Variants in SPHKAP observed in about 807,000 individuals in gnomAD.
SPHKAP encodes the protein SPHK1 interactor, AKAP domain containing.
Under a neutral mutation model 137.5 loss-of-function variants are expected in SPHKAP, and 67 were observed. The ratio of observed to expected loss-of-function variants is 0.49; its 90% CI spans 0.40 to 0.60. The LOEUF (loss-of-function observed/expected upper bound fraction) is 0.60. Among genes scored for constraint, SPHKAP ranks in the 20% least tolerant of loss-of-function variants. The pLI, the probability that SPHKAP is intolerant of heterozygous loss-of-function variation, is 0.00. For synonymous variants in SPHKAP, 813 were observed against 785.3 expected (o/e 1.04, Z -0.59); for missense variants, 2,097 against 2,069.3 (o/e 1.01, Z -0.26).
rs757281339 is a variant in SPHKAP at position 228,178,935 on chromosome 2, T to TA, written c.32+2631dup. Among the ~76,000 whole-genome samples the TA allele has an allele frequency of 3.8e-3, 549 of 143,992 alleles. 4 individuals are homozygous for TA. The highest frequency in any genetic ancestry group is 0.024 in the East Asian group (122 of 5,058). 94.5% of individuals were successfully genotyped at this position (143,992 alleles called of 152,430 possible). A position where few individuals can be genotyped will look rare whatever the true frequency, so the allele number is the denominator to read the frequency against. ...ACTCAAAGAACCCAAAACATTTCCTTAAAAAAAAAAAACATGTTTTACAGT... is the reference window on the plus strand; with the variant it reads ...ACTCAAAGAACCCAAAACATTTCCTTAAAAAAAAAAAAACATGTTTTACAGT... On this transcript the variant is annotated intron_variant, in intron 1 of 11. Transcript: ENST00000392056.
intron 5 of SPHKAP, among the ~76,000 whole-genome samples, chr2:228,024,343 T>G (rs1053795457): frequency 3.1e-5 from 1 of 32,158 alleles, no homozygotes; most frequent in East Asian, 1.2e-3. Context: ...GCAGAGGCAG[T>G]TTTTTTTTTT....
Position 228,016,540 on chromosome 2 carries a change from G to A in SPHKAP, c.4314C>T (p.Ala1438=). 6.2e-7 allele frequency: 1 copy of A among 1,614,052 alleles called. No individual in the cohort carries two copies. Residue 1438 remains alanine, a synonymous_variant, in exon 7 of 12, where the codon GCC becomes GCT. Transcript: ENST00000392056. ...LIQIETDQRE[A]CAGEPEPFLS... Reference sequence around the variant, plus strand: ...GGAAGGGTTCAGGTTCCCCAGCACAGGCTTCTCTCTGATCTGTTTCAATCT... The same window carrying A: ...GGAAGGGTTCAGGTTCCCCAGCACAAGCTTCTCTCTGATCTGTTTCAATCT...
chr2:228,132,384 G>A (rs1239400597), intron 1 of SPHKAP: 1 of 218,950 alleles, frequency 4.6e-6, no homozygotes. Context: ...CTTCTCTTAA[G>A]CAAGCAGCTT....
At chr2:228,082,087 A>G (rs1697381516) in intron 3 of SPHKAP, among the ~76,000 whole-genome samples, 1 of 152,334 alleles carries the variant, frequency 6.6e-6, no homozygotes, top group African/African-American at 2.4e-5. Context: ...CCAATTTAAA[A>G]AACAAATAAA....
At chr2:228,059,448 C>T (rs1696561940) in intron 3 of SPHKAP, among the ~76,000 whole-genome samples, 1 of 152,214 alleles carries the variant, frequency 6.6e-6, no homozygotes. Context: ...AGTAGTGAAG[C>T]TAAGCTGCAG....
chr2:227,990,661 G>A lies in SPHKAP; in HGVS notation c.4959+339C>T, dbSNP rs116104877. On this transcript the variant is annotated intron_variant, in intron 11 of 11. Coordinates refer to ENST00000392056, the MANE Select transcript of SPHKAP (RefSeq NM_001142644.2). Reference sequence around the variant, plus strand: ...CACTTTGGTTTCTGTTATATATCAGGTTCTTCTTTCTTTCTTTTATTTAAA... The same window carrying A: ...CACTTTGGTTTCTGTTATATATCAGATTCTTCTTTCTTTCTTTTATTTAAA... 7.2e-3 allele frequency among the ~76,000 whole-genome samples: 1,089 copies of A among 152,132 alleles called. 6 individuals are homozygous for A. The highest frequency in any genetic ancestry group is 0.012 in the Non-Finnish European group (817 of 67,982).
intron 1 of SPHKAP, among the ~76,000 whole-genome samples, chr2:228,140,499 C>T (rs956045284): frequency 1.3e-5 from 2 of 152,086 alleles, no homozygotes; most frequent in African/African-American, 4.8e-5. Flanking sequence ...ATTTAATGCA[C>T]GGCAGGTACT....
chr2:228,062,254 A>C (rs1028810072), intron 3 of SPHKAP, among the ~76,000 whole-genome samples: 11 of 151,660 alleles, frequency 7.3e-5, no homozygotes, highest in African/African-American at 2.7e-4. Context: ...CCTCCCAAGT[A>C]GATGGGACTA....
chr2:228,085,722 G>A (rs944713336), intron 3 of SPHKAP, among the ~76,000 whole-genome samples: 5 of 152,138 alleles, frequency 3.3e-5, no homozygotes, highest in African/African-American at 1.2e-4. Flanking sequence ...TGCACATTAA[G>A]TGACCTCCGT....
chr2:228,027,387 T>C, intron 4 of SPHKAP, 97 bp downstream of exon 4: 1 of 1,264,656 alleles, frequency 7.9e-7, no homozygotes, highest in Non-Finnish European at 1.1e-6. Context: ...ACTATCTAAC[T>C]AAAGAGTCTC....
In SPHKAP at chr2:228,017,540, G is replaced by A. The variant is rs748558267; in HGVS notation, c.3314C>T (p.Thr1105Met). The A allele has an allele frequency of 9.3e-6, 15 of 1,613,064 alleles. No individual in the cohort carries two copies. Among genetic ancestry groups the A allele is most frequent in the Middle Eastern group, 1.6e-4 (1 of 6,084 alleles). ...AYVNSLGLMSTLSQPVSRASS... is the reference protein window; with the variant it reads ...AYVNSLGLMSMLSQPVSRASS... ...GGCCCTGCTGACCGGCTGGCTCAGCGTGCTCATTAAGCCCAGGCTGTTGAC... is the reference window on the plus strand; with the variant it reads ...GGCCCTGCTGACCGGCTGGCTCAGCATGCTCATTAAGCCCAGGCTGTTGAC... The change falls in exon 7 of 12, where the codon ACG becomes ATG. Residue 1105 changes from threonine (T) to methionine (M), a missense_variant. Transcript: ENST00000392056.
In SPHKAP at chr2:228,128,230, G is replaced by A. The variant is rs539778145; in HGVS notation, c.138+3750C>T. On this transcript the variant is annotated intron_variant, in intron 2 of 11. Coordinates refer to ENST00000392056, the MANE Select transcript of SPHKAP (RefSeq NM_001142644.2). ...GTTAACCCTCTCAAAACTTGCTGCT[G>A]TGTTATCAATTAAGTTTACGTAATA... Among the ~76,000 whole-genome samples, 25 of 152,266 alleles carry A rather than the reference G, an allele frequency of 1.6e-4. No individual in the cohort carries two copies. In the East Asian group the frequency reaches 4.0e-3, roughly 25 times the overall value.
At chr2:228,079,899 T>A (rs1697306289) in intron 3 of SPHKAP, among the ~76,000 whole-genome samples, 1 of 152,096 alleles carries the variant, frequency 6.6e-6, no homozygotes, top group South Asian at 2.1e-4. Context: ...CAGCAAGGCC[T>A]CCCTCAAACC....
intron 2 of SPHKAP, among the ~76,000 whole-genome samples, chr2:228,124,686 A>G (rs527419184): frequency 6.6e-6 from 1 of 152,218 alleles, no homozygotes; most frequent in South Asian, 2.1e-4. Context: ...TACATATGTA[A>G]CAAACCCACA....
chr2:228,063,170 ATCTATCTG>A (rs1285935361), intron 3 of SPHKAP, among the ~76,000 whole-genome samples: 105 of 139,432 alleles, frequency 7.5e-4, no homozygotes, highest in Middle Eastern at 3.6e-3. Flanking sequence ...CTATCTATCT[ATCTATCTG>A]TCTGTCTGTC....
chr2:227,995,741 C>T, intron 7 of SPHKAP, 47 bp from the exon 8 acceptor site: 2 of 1,483,460 alleles, frequency 1.3e-6, no homozygotes, highest in Non-Finnish European at 1.8e-6. Context: ...CACACACACA[C>T]ACACACAGAA....
intron 2 of SPHKAP, among the ~76,000 whole-genome samples, chr2:228,118,187 G>T (rs763401163): frequency 6.8e-6 from 1 of 148,016 alleles, no homozygotes; most frequent in Non-Finnish European, 1.5e-5. Context: ...TGCATGAGTA[G>T]TCACTTGTTT....
rs1310085566 is a variant in SPHKAP, at chr2:228,131,292, G to A, written c.138+688C>T. 3 of 984,924 alleles carry A rather than the reference G, an allele frequency of 3.0e-6. No homozygotes were observed. The African/African-American group carries it at 5.2e-5, about 17-fold the overall frequency. The allele number at this position is 984,924 out of a possible 1,614,324, so 61.0% of individuals were successfully genotyped here. ...CTCACTGTGATTGCTTCTGAATTGG[G>A]ATGAGAAGAAACATATACTTCCCTG... On this transcript the variant is annotated intron_variant, in intron 2 of 11. Transcript: ENST00000392056.
In SPHKAP at chr2:228,017,747, T is replaced by C. The variant is rs1574753102; in HGVS notation, c.3107A>G (p.Asn1036Ser). ...MNLEDVPDSV[N>S]LFANEVAAKI... ...GGCTGCCACTTCATTGGCAAAAAGATTGACAGAATCTGGGACATCTTCAAG... is the reference window on the plus strand; with the variant it reads ...GGCTGCCACTTCATTGGCAAAAAGACTGACAGAATCTGGGACATCTTCAAG... The change falls in exon 7 of 12, where the codon AAT becomes AGT. Residue 1036 changes from asparagine to serine, a missense_variant. By Grantham distance (46) the Asn-to-Ser change is conservative. Coordinates refer to ENST00000392056, the MANE Select transcript of SPHKAP (RefSeq NM_001142644.2). The C allele has an allele frequency of 1.9e-6, 3 of 1,614,132 alleles. No individual in the cohort carries two copies. Among genetic ancestry groups the C allele is most frequent in the African/African-American group, 1.3e-5 (1 of 75,054 alleles).
Sources: gnomAD v4.1 joint callset for allele counts (sites outside exome capture counted in the v4.1 genomes callset) on GRCh38, gnomAD v4.1.1 for gene constraint, MANE v1.5 for transcripts, NCBI Gene and HGNC (gene_info 2026-07-23, HGNC 2026-07-21) for gene names.